Variants in ADAMTS20 observed in about 807,000 individuals in gnomAD.
The protein encoded by ADAMTS20 is ADAM metallopeptidase with thrombospondin type 1 motif 20.
In ADAMTS20, 225 loss-of-function variants were observed where a neutral mutation model predicts 260.1. The observed-to-expected ratio is 0.87, with a 90% CI of 0.78 to 0.97. The LOEUF (loss-of-function observed/expected upper bound fraction) is 0.97, where lower values mean the gene tolerates loss of function less well. Ranked by LOEUF, ADAMTS20 falls within the 50% of genes least tolerant of loss-of-function variation. ADAMTS20 has a pLI of 0.00. For missense variants in ADAMTS20, 2,400 were observed against 2,337.7 expected (o/e 1.03, Z -0.55); for synonymous variants, 802 against 769.5 (o/e 1.04, Z -0.70).
chr12:43,467,939 G>A (rs1371037115), intron 8 of ADAMTS20, among the ~76,000 whole-genome samples: 2 of 152,112 alleles, frequency 1.3e-5, no homozygotes, highest in Non-Finnish European at 2.9e-5. Context: ...CAGGAGTTCT[G>A]AGGGGTACAT....
intron 3 of ADAMTS20, among the ~76,000 whole-genome samples, chr12:43,527,630 T>C (rs1943161081): frequency 6.6e-6 from 1 of 151,508 alleles, no homozygotes; most frequent in Non-Finnish European, 1.5e-5. Flanking sequence ...TTGAAAAAAA[T>C]CCAGCATCTC....
chr12:43,364,203 C>A (rs1379857707), intron 37 of ADAMTS20, among the ~76,000 whole-genome samples: 1 of 151,920 alleles, frequency 6.6e-6, no homozygotes, highest in Non-Finnish European at 1.5e-5. Context: ...AAAAAATACA[C>A]AAACAAAGAA....
At chr12:43,428,867 G>T in intron 24 of ADAMTS20, 68 bp from the exon 25 acceptor site, 1 of 1,348,356 alleles carries the variant, frequency 7.4e-7, no homozygotes, top group Non-Finnish European at 9.8e-7. Context: ...CTTTTACATA[G>T]CTGTTACTCA....
intron 7 of ADAMTS20, among the ~76,000 whole-genome samples, chr12:43,477,710 C>T (rs1942380978): frequency 6.6e-6 from 1 of 152,060 alleles, no homozygotes; most frequent in Admixed American, 6.6e-5. Context: ...CACATATACA[C>T]ACATTCATAC....
intron 3 of ADAMTS20, among the ~76,000 whole-genome samples, chr12:43,524,094 G>A (rs1269623536): frequency 2.8e-5 from 2 of 71,198 alleles, no homozygotes; most frequent in Non-Finnish European, 5.9e-5. Flanking sequence ...ATTGTGCCCA[G>A]GAAGGAGTTA....
rs1192186186 is a variant in ADAMTS20 at position 43,550,984 on chromosome 12, C to T, written c.378G>A (p.Leu126=). ...CCTGGCCGCGGTAGAAGCAGTGGCG[C>T]AGGTCCGAGGGCCCTGCGTCGCTCT... is the stretch of plus-strand genomic sequence containing the variant. ...AWESDAGPSD[L]RHCFYRGQVN... is the part of the protein sequence containing the mutation. The change falls in exon 2 of 39, where the codon CTG becomes CTA. Residue 126 remains leucine (L), a synonymous_variant. Coordinates refer to ENST00000389420, the MANE Select transcript of ADAMTS20 (RefSeq NM_025003.5). The T allele has an allele frequency of 2.5e-6, 4 of 1,610,656 alleles. No individual in the cohort carries two copies. The South Asian group carries it at 4.4e-5, about 18-fold the overall frequency.
chr12:43,421,671 A>G (rs1043024191), intron 28 of ADAMTS20, among the ~76,000 whole-genome samples: 1 of 152,076 alleles, frequency 6.6e-6, no homozygotes, highest in African/African-American at 2.4e-5. Context: ...ATTTGCTTAC[A>G]TCATTAATTT....
At chr12:43,446,948 G>C (rs1941773832) in intron 14 of ADAMTS20, among the ~76,000 whole-genome samples, 1 of 151,968 alleles carries the variant, frequency 6.6e-6, no homozygotes, top group African/African-American at 2.4e-5. Flanking sequence ...GTGGAAGAAA[G>C]AGAATCCCTG....
intron 28 of ADAMTS20, among the ~76,000 whole-genome samples, chr12:43,412,595 G>A (rs927392140): frequency 1.3e-5 from 2 of 152,070 alleles, no homozygotes; most frequent in African/African-American, 2.4e-5. Flanking sequence ...AATTTTAGAC[G>A]AGAAATGCTG....
intron 31 of ADAMTS20, among the ~76,000 whole-genome samples, chr12:43,378,564 C>T (rs909272737): frequency 6.6e-6 from 1 of 152,162 alleles, no homozygotes; most frequent in Admixed American, 6.5e-5. Context: ...AAGTGCAAGG[C>T]AAGAGAGAGT....
intron 3 of ADAMTS20, among the ~76,000 whole-genome samples, chr12:43,515,553 A>G (rs543038806): frequency 1.1e-4 from 17 of 152,316 alleles, no homozygotes; most frequent in African/African-American, 4.1e-4. Context: ...CTCATATGAA[A>G]TGTTCATCTA....
intron 7 of ADAMTS20, among the ~76,000 whole-genome samples, chr12:43,481,266 G>A (rs1000618207): frequency 6.6e-6 from 1 of 151,732 alleles, no homozygotes; most frequent in Non-Finnish European, 1.5e-5. Flanking sequence ...GGCCTAAATG[G>A]GTTAAGATGA....
Position 43,375,277 on chromosome 12 carries a change from G to C in ADAMTS20, c.5446+102C>G, listed in dbSNP as rs1940198431. ...AGTAAGTAATTTTTGCACAATGTCA[G>C]GTCCTTCTCTGTACCCTGGCTACAA... On this transcript the variant is annotated intron_variant, in intron 36 of 38. Transcript: ENST00000389420. 6.3e-6 allele frequency: 8 copies of C among 1,271,072 alleles called. No homozygotes were observed. In the East Asian group the frequency reaches 2.0e-4, roughly 31 times the overall value. The allele number at this position is 1,271,072 out of a possible 1,614,324, so 78.7% of individuals were successfully genotyped here. A position where few individuals can be genotyped will look rare whatever the true frequency, so the allele number is the denominator to read the frequency against.
chr12:43,440,223 A>G (rs1471480241), intron 16 of ADAMTS20, among the ~76,000 whole-genome samples, 154 bp from the exon 17 acceptor site: 1 of 146,284 alleles, frequency 6.8e-6, no homozygotes, highest in Non-Finnish European at 1.5e-5. Flanking sequence ...GGCTCACTGT[A>G]ACCTTCGCCT....
At chr12:43,469,303 G>C (rs543379310) in intron 7 of ADAMTS20, among the ~76,000 whole-genome samples, 45 of 152,170 alleles carry the variant, frequency 3.0e-4, no homozygotes, top group African/African-American at 1.0e-3. Context: ...TTCCGCAATA[G>C]GAAATGTATT....
intron 7 of ADAMTS20, among the ~76,000 whole-genome samples, chr12:43,469,817 T>A (rs906225645): frequency 6.6e-6 from 1 of 152,162 alleles, no homozygotes; most frequent in Non-Finnish European, 1.5e-5. Flanking sequence ...ACTAGAATGT[T>A]TTTGTTGTGC....
chr12:43,396,066 T>A (rs1050587982), intron 29 of ADAMTS20, among the ~76,000 whole-genome samples: 7 of 152,078 alleles, frequency 4.6e-5, no homozygotes, highest in African/African-American at 1.7e-4. Context: ...TGGGGTGGGA[T>A]TATTTTTTCT....
chr12:43,442,804 G>A (rs1941692251), intron 16 of ADAMTS20, among the ~76,000 whole-genome samples: 1 of 152,112 alleles, frequency 6.6e-6, no homozygotes, highest in Admixed American at 6.6e-5. Flanking sequence ...TTGTATTGAG[G>A]TGAAACTGAT....
intron 6 of ADAMTS20, among the ~76,000 whole-genome samples, chr12:43,490,999 T>C (rs1011711999): frequency 6.6e-6 from 1 of 152,080 alleles, no homozygotes; most frequent in Non-Finnish European, 1.5e-5. Context: ...CCATGGACTA[T>C]ATATAACATA....
Sources: gnomAD v4.1 joint callset for allele counts (sites outside exome capture counted in the v4.1 genomes callset) on GRCh38, gnomAD v4.1.1 for gene constraint, MANE v1.5 for transcripts, NCBI Gene and HGNC (gene_info 2026-07-23, HGNC 2026-07-21) for gene names.